Variants in PGS1 observed in about 807,000 individuals in gnomAD.
PGS1 encodes the protein CDP-diacylglycerol--glycerol-3-phosphate 3-phosphatidyltransferase, mitochondrial.
In PGS1, 44 loss-of-function variants were observed where a neutral mutation model predicts 58.3. The ratio of observed to expected loss-of-function variants is 0.75; its 90% CI spans 0.59 to 0.97. The LOEUF (loss-of-function observed/expected upper bound fraction) is 0.97, where lower values mean the gene tolerates loss of function less well. Ranked by LOEUF, PGS1 falls within the 50% of genes least tolerant of loss-of-function variation. The pLI, the probability that PGS1 is intolerant of heterozygous loss-of-function variation, is 0.00. For missense variants in PGS1, 684 were observed against 731.1 expected, an observed-to-expected ratio of 0.94 and a Z score of 0.74; for synonymous variants, 330 against 311.0, an observed-to-expected ratio of 1.06 and a Z score of -0.64.
At chr17:78,407,617 G>A (rs111661128) in intron 7 of PGS1, among the ~76,000 whole-genome samples, 4,532 of 152,344 alleles carry the variant, frequency 0.03, 107 homozygotes, top group South Asian at 0.048. Flanking sequence ...CTCAGGTCCT[G>A]TAGGACAGGC....
At chr17:78,386,445 C>A (rs1475046784) in intron 1 of PGS1, among the ~76,000 whole-genome samples, 1 of 152,124 alleles carries the variant, frequency 6.6e-6, no homozygotes, top group Non-Finnish European at 1.5e-5. Context: ...ATCTGACTCC[C>A]CAGCCCCCAC....
intron 7 of PGS1, among the ~76,000 whole-genome samples, chr17:78,408,152 A>G (rs2084318377): frequency 6.6e-6 from 1 of 152,226 alleles, no homozygotes; most frequent in African/African-American, 2.4e-5. Flanking sequence ...ATTTCAATAA[A>G]TTGAGCTGTT....
At chr17:78,409,245 T>C (rs532974998) in intron 7 of PGS1, among the ~76,000 whole-genome samples, 1 of 152,364 alleles carries the variant, frequency 6.6e-6, no homozygotes, top group African/African-American at 2.4e-5. Flanking sequence ...GTGCATTTCA[T>C]GAGGAAGATC....
chr17:78,422,746 C>T (rs542061928), intron 9 of PGS1, among the ~76,000 whole-genome samples: 7 of 151,068 alleles, frequency 4.6e-5, no homozygotes, highest in South Asian at 2.1e-4. Context: ...GTAAGATTGC[C>T]GTCCTGGGAT....
At chr17:78,402,397 C>CAT (rs10599132) in intron 6 of PGS1, among the ~76,000 whole-genome samples, 78 of 108,346 alleles carry the variant, frequency 7.2e-4, no homozygotes, top group African/African-American at 2.0e-3. Context: ...AATTTCTATT[C>CAT]ATATATATAT....
At chr17:78,393,811 T>A (rs1400389431) in intron 2 of PGS1, among the ~76,000 whole-genome samples, 1 of 152,212 alleles carries the variant, frequency 6.6e-6, no homozygotes, top group Non-Finnish European at 1.5e-5. Context: ...CTGGTTAAAC[T>A]GCTCATTGGA....
chr17:78,378,859 C>A, intron 1 of PGS1, 51 bp downstream of exon 1: 8 of 1,349,382 alleles, frequency 5.9e-6, no homozygotes, highest in South Asian at 1.7e-5. Context: ...TGCAGCCCGG[C>A]CCCCCGGCGC....
intron 2 of PGS1, among the ~76,000 whole-genome samples, chr17:78,393,464 G>A (rs1053738471): frequency 2.0e-5 from 3 of 152,172 alleles, no homozygotes; most frequent in Non-Finnish European, 4.4e-5. Context: ...GGGTCACATG[G>A]GTATGTCCTT....
chr17:78,408,853 G>A (rs2084382685), intron 7 of PGS1, among the ~76,000 whole-genome samples: 1 of 152,206 alleles, frequency 6.6e-6, no homozygotes, highest in African/African-American at 2.4e-5. Flanking sequence ...GGTTCTGGGA[G>A]CTGGGGTAGA....
At chr17:78,422,688 G>T (rs1407943143) in intron 9 of PGS1, among the ~76,000 whole-genome samples, 1 of 152,080 alleles carries the variant, frequency 6.6e-6, no homozygotes, top group African/African-American at 2.4e-5. Flanking sequence ...GATTGATAGA[G>T]ATGGTTTTGC....
At chr17:78,390,157 C>T (rs1057016366) in intron 1 of PGS1, among the ~76,000 whole-genome samples, 2 of 150,722 alleles carry the variant, frequency 1.3e-5, no homozygotes, top group Non-Finnish European at 2.9e-5. Context: ...TCCCATTGTC[C>T]GGTGGTTTCT....
intron 7 of PGS1, among the ~76,000 whole-genome samples, chr17:78,412,505 G>T (rs2084803181): frequency 1.3e-5 from 2 of 152,236 alleles, no homozygotes; most frequent in Admixed American, 6.5e-5. Context: ...GTATGATGAA[G>T]TTGTGCACTG....
At position 78,415,006 on chromosome 17, in the gene PGS1, C is replaced by T. The variant is rs774970760; in HGVS notation, c.1530C>T (p.Ala510=). ...TTGCGATCGTGACGGAGAACCAGGC[C>T]CTGCAGCAGCAGCTTCACCAGGTTG... ...AQIAIVTENQ[A]LQQQLHQEQE... is the part of the protein sequence containing the mutation. Residue 510 remains alanine (A), a synonymous_variant, in exon 8 of 10, where the codon GCC becomes GCT. Coordinates refer to ENST00000262764, the MANE Select transcript of PGS1 (RefSeq NM_024419.5). 8 of 1,613,024 alleles carry T rather than the reference C, an allele frequency of 5.0e-6. No individual in the cohort carries two copies. The highest frequency in any genetic ancestry group is 1.3e-5 in the African/African-American group (1 of 74,888).
At chr17:78,387,224 G>T (rs993636971) in intron 1 of PGS1, among the ~76,000 whole-genome samples, 4 of 151,790 alleles carry the variant, frequency 2.6e-5, no homozygotes, top group Non-Finnish European at 5.9e-5. Flanking sequence ...GGCTGGTCTC[G>T]ATCTCCTGGC....
chr17:78,378,676 C>G lies in PGS1; in HGVS notation c.11C>G (p.Ala4Gly). MAV[A>G]AAAAAGPVFW... ...AAGCGGCGAGTCTCCATGGCGGTGG[C>G]GGCGGCAGCTGCGGCGGGACCCGTG... Residue 4 changes from alanine (A) to glycine (G), a missense_variant, in exon 1 of 10, where the codon GCG (alanine) becomes GGG (glycine). Ala to Gly is a moderately conservative substitution (Grantham distance 60). Transcript: ENST00000262764. 7 of 1,532,984 alleles carry G rather than the reference C, an allele frequency of 4.6e-6. No homozygotes were observed. The highest frequency in any genetic ancestry group is 6.1e-6 in the Non-Finnish European group (7 of 1,147,132). 95.0% of individuals were successfully genotyped at this position (1,532,984 alleles called of 1,614,324 possible).
chr17:78,402,795 G>A (rs971178450), intron 6 of PGS1, among the ~76,000 whole-genome samples: 4 of 152,088 alleles, frequency 2.6e-5, no homozygotes, highest in Non-Finnish European at 5.9e-5. Context: ...TGTATTCTTG[G>A]TTTTATTCTG....
At chr17:78,394,965 A>G (rs1243154140) in intron 2 of PGS1, among the ~76,000 whole-genome samples, 1 of 152,132 alleles carries the variant, frequency 6.6e-6, no homozygotes, top group East Asian at 1.9e-4. Flanking sequence ...GCCCTGCCTG[A>G]GGAGGGTGGG....
Position 78,400,545 on chromosome 17 carries a change from A to G in PGS1, c.702-132A>G. ...CTTTTGCACGTGTTCATTGCTGAGT[A>G]GCTATTTGTTAACTGCATCTTGACC... On this transcript the variant is annotated intron_variant, in intron 5 of 9. Transcript: ENST00000262764. The surrounding 1 kb of genome is among the most constrained non-coding windows in gnomAD (Gnocchi z 4.4). The G allele has an allele frequency of 1.4e-6, 1 of 725,006 alleles. No homozygotes were observed. The highest frequency in any genetic ancestry group is 2.4e-6 in the Non-Finnish European group (1 of 413,420). The allele number at this position is 725,006 out of a possible 1,614,324, so 44.9% of individuals were successfully genotyped here.
In PGS1 at chr17:78,415,039, C is replaced by A. The variant is rs1430561056; in HGVS notation, c.1551+12C>A. 1 of 1,609,918 alleles carries A rather than the reference C, an allele frequency of 6.2e-7. No individual in the cohort carries two copies. The highest frequency in any genetic ancestry group is 1.1e-5 in the South Asian group (1 of 90,824). On this transcript the variant is annotated intron_variant, in intron 8 of 9. Transcript: ENST00000262764. ...AGCAGCTTCACCAGGTTGGTCGCAGCAAGTGGGATTTCCCAGGGCGCTGAG... is the reference window on the plus strand; with the variant it reads ...AGCAGCTTCACCAGGTTGGTCGCAGAAAGTGGGATTTCCCAGGGCGCTGAG...
Sources: allele counts gnomAD v4.1 joint callset (sites outside exome capture counted in the v4.1 genomes callset), GRCh38; gene constraint gnomAD v4.1.1; non-coding constraint Gnocchi (gnomAD v3.1); transcripts MANE v1.5; gene names NCBI Gene and HGNC (gene_info 2026-07-23, HGNC 2026-07-21).